The following STIM2 variants were observed in gnomAD, a reference collection of about 807,000 sequenced individuals.
STIM2 encodes the protein stromal interaction molecule 2.
Under a neutral mutation model 85.8 loss-of-function variants are expected in STIM2, and 31 were observed. The ratio of observed to expected loss-of-function variants is 0.36; its 90% CI spans 0.27 to 0.49. The LOEUF is 0.49. Ranked by LOEUF, STIM2 falls within the 20% of genes least tolerant of loss-of-function variation. The probability of loss-of-function intolerance (pLI) is 0.98; values close to 1 mark genes in which losing one functional copy is unlikely to be tolerated. For missense variants in STIM2, 841 were observed against 927.6 expected (o/e 0.91, Z 1.21); for synonymous variants, 356 against 331.1 (o/e 1.08, Z -0.82).
chr4:26,885,186 T>A (rs937365170), intron 1 of STIM2, among the ~76,000 whole-genome samples: 3 of 152,150 alleles, frequency 2.0e-5, no homozygotes, highest in African/African-American at 7.2e-5. Context: ...TGAATTGCTG[T>A]AATATCTAGT....
intron 2 of STIM2, among the ~76,000 whole-genome samples, chr4:26,954,059 TTGTC>T (rs1236357065): frequency 6.6e-6 from 1 of 152,160 alleles, no homozygotes; most frequent in Non-Finnish European, 1.5e-5. Flanking sequence ...TGGTGAGTAT[TTGTC>T]TGGGAAAAGG....
At chr4:26,873,836 A>G (rs918454650) in intron 1 of STIM2, 3 of 969,140 alleles carry the variant, frequency 3.1e-6, no homozygotes, top group Non-Finnish European at 1.7e-6. Flanking sequence ...CAACCGCCGT[A>G]GTGGGTGGGT....
At chr4:27,009,087 A>T in intron 10 of STIM2, 85 bp downstream of exon 10, 1 of 1,166,742 alleles carries the variant, frequency 8.6e-7, no homozygotes, top group Middle Eastern at 2.0e-4. Flanking sequence ...TGTACTTCGA[A>T]ATCTGTGAGA....
intron 5 of STIM2, among the ~76,000 whole-genome samples, chr4:27,001,184 G>T (rs987148120): frequency 6.6e-6 from 1 of 152,208 alleles, no homozygotes; most frequent in African/African-American, 2.4e-5. Context: ...TTCTGCCGGA[G>T]GCCTGGGCAT....
intron 1 of STIM2, among the ~76,000 whole-genome samples, chr4:26,895,503 C>G (rs978697386): frequency 6.6e-6 from 1 of 152,102 alleles, no homozygotes; most frequent in African/African-American, 2.4e-5. Flanking sequence ...ATATTTTTCT[C>G]CTTTTCCTAA....
At chr4:27,021,505 A>G (rs1323332684) in intron 11 of STIM2, 1 of 456,706 alleles carries the variant, frequency 2.2e-6, no homozygotes, top group Admixed American at 2.3e-5. Context: ...AACACAAGGG[A>G]GTGTGCAGTT....
intron 3 of STIM2, among the ~76,000 whole-genome samples, chr4:26,981,319 A>G (rs1727382391): frequency 6.6e-6 from 1 of 152,218 alleles, no homozygotes; most frequent in Non-Finnish European, 1.5e-5. Context: ...ATAAAGCCTA[A>G]TGTTTGCTGT....
chr4:26,977,644 A>C (rs1027305004), intron 3 of STIM2, among the ~76,000 whole-genome samples: 1 of 152,176 alleles, frequency 6.6e-6, no homozygotes. Context: ...TCAGGTTACT[A>C]GTGGGGGACA....
intron 1 of STIM2, among the ~76,000 whole-genome samples, chr4:26,907,925 T>C (rs927511032): frequency 2.0e-5 from 3 of 152,242 alleles, no homozygotes; most frequent in Non-Finnish European, 2.9e-5. Flanking sequence ...TCTTCCCTTA[T>C]GATTGTAGCA....
At chr4:26,861,864 T>C (rs1330077074) in intron 1 of STIM2, among the ~76,000 whole-genome samples, 2 of 152,162 alleles carry the variant, frequency 1.3e-5, no homozygotes, top group Non-Finnish European at 2.9e-5. Context: ...AAGGGGATTC[T>C]TTGAGAGCCA....
At chr4:26,921,032 G>A (rs1405171876) in intron 2 of STIM2, among the ~76,000 whole-genome samples, 3 of 152,110 alleles carry the variant, frequency 2.0e-5, no homozygotes, top group East Asian at 1.9e-4. Flanking sequence ...AGGTCATTGC[G>A]GATGTAGTTA....
chr4:26,901,001 C>A (rs939144767), intron 1 of STIM2, among the ~76,000 whole-genome samples: 3 of 152,172 alleles, frequency 2.0e-5, no homozygotes, highest in Non-Finnish European at 2.9e-5. Flanking sequence ...TGATCCTTGT[C>A]CCTTGGTCTG....
intron 3 of STIM2, among the ~76,000 whole-genome samples, chr4:26,989,578 C>T (rs140154333): frequency 2.9e-3 from 434 of 152,274 alleles, no homozygotes; most frequent in African/African-American, 0.01. Flanking sequence ...CCACTTTCAC[C>T]ACTTTTATTC....
intron 1 of STIM2, among the ~76,000 whole-genome samples, chr4:26,868,916 A>G (rs1722504183): frequency 6.6e-6 from 1 of 152,186 alleles, no homozygotes; most frequent in Non-Finnish European, 1.5e-5. Flanking sequence ...TACCACATTA[A>G]GAAAGAAAAG....
chr4:26,968,178 A>C (rs545207237), intron 3 of STIM2, among the ~76,000 whole-genome samples: 1 of 152,266 alleles, frequency 6.6e-6, no homozygotes, highest in Non-Finnish European at 1.5e-5. Context: ...ATCCAAAAAA[A>C]ATCATTAACC....
At chr4:26,991,419 G>C (rs148458948) in intron 3 of STIM2, among the ~76,000 whole-genome samples, 364 of 152,216 alleles carry the variant, frequency 2.4e-3, no homozygotes, top group Middle Eastern at 6.8e-3. Flanking sequence ...GTTACCAGAG[G>C]CTGGGAAGCG....
At chr4:26,884,760 G>A (rs1431935142) in intron 1 of STIM2, among the ~76,000 whole-genome samples, 1 of 152,212 alleles carries the variant, frequency 6.6e-6, no homozygotes, top group African/African-American at 2.4e-5. Flanking sequence ...TCAGGCAACT[G>A]TTCTGAATGC....
intron 2 of STIM2, among the ~76,000 whole-genome samples, chr4:26,941,306 A>G (rs987537807): frequency 2.0e-5 from 3 of 152,052 alleles, no homozygotes; most frequent in Non-Finnish European, 4.4e-5. Context: ...ATTTTCTTCT[A>G]TCATCCTTCT....
intron 2 of STIM2, among the ~76,000 whole-genome samples, chr4:26,942,604 T>C (rs1725652957): frequency 6.6e-6 from 1 of 152,164 alleles, no homozygotes; most frequent in African/African-American, 2.4e-5. Context: ...TATGCAGTGT[T>C]CAGTTCTCAG....
Sources: gnomAD v4.1 joint callset for allele counts (sites outside exome capture counted in the v4.1 genomes callset) on GRCh38, gnomAD v4.1.1 for gene constraint, MANE v1.5 for transcripts, NCBI Gene and HGNC (gene_info 2026-07-23, HGNC 2026-07-21) for gene names.